Variants in MACROD2 observed in about 807,000 individuals in gnomAD.
The protein encoded by MACROD2 is mono-ADP ribosylhydrolase 2.
Under a neutral mutation model 70.4 loss-of-function variants are expected in MACROD2, and 36 were observed. The ratio of observed to expected loss-of-function variants is 0.51; its 90% CI spans 0.39 to 0.68. The LOEUF is 0.68. Among genes scored for constraint, MACROD2 ranks in the 30% least tolerant of loss-of-function variants. MACROD2 has a pLI of 0.00. For synonymous variants in MACROD2, 172 were observed against 178.8 expected (o/e 0.96, Z 0.30); for missense variants, 496 against 538.4 (o/e 0.92, Z 0.78).
chr20:14,592,842 T>A (rs1291588134), intron 4 of MACROD2, among the ~76,000 whole-genome samples: 1 of 152,244 alleles, frequency 6.6e-6, no homozygotes, highest in Non-Finnish European at 1.5e-5. Context: ...CATATTTAGA[T>A]GTGAGAAAAT....
intron 3 of MACROD2, among the ~76,000 whole-genome samples, chr20:14,436,294 G>T (rs2084055599): frequency 6.6e-6 from 1 of 152,124 alleles, no homozygotes; most frequent in African/African-American, 2.4e-5. Context: ...CATTAATGTT[G>T]TATTTATACC....
chr20:15,295,595 T>TCACACACACACACACACACACA (rs3223712), intron 6 of MACROD2, among the ~76,000 whole-genome samples: 91 of 148,054 alleles, frequency 6.1e-4, no homozygotes, highest in Non-Finnish European at 1.2e-3. Context: ...ATGTCTGTCA[T>TCACACACACACACACACACACA]CACACACACA....
chr20:15,136,961 C>A (rs531644180), intron 5 of MACROD2, among the ~76,000 whole-genome samples: 1 of 146,986 alleles, frequency 6.8e-6, no homozygotes, highest in Non-Finnish European at 1.5e-5. Context: ...TGAAAAAATG[C>A]TCATCATCAC....
At chr20:14,080,008 G>A (rs1441621840) in intron 2 of MACROD2, among the ~76,000 whole-genome samples, 1 of 152,172 alleles carries the variant, frequency 6.6e-6, no homozygotes, top group Non-Finnish European at 1.5e-5. Flanking sequence ...GGTGGGTAAG[G>A]AAGGTCACTT....
intron 8 of MACROD2, among the ~76,000 whole-genome samples, chr20:15,769,170 C>T (rs143076637): frequency 0.028 from 4,192 of 152,200 alleles, 98 homozygotes; most frequent in Non-Finnish European, 0.044. Context: ...TTTTTTGAGA[C>T]GGAGTCTCAC....
chr20:14,384,887 C>G (rs2083454982), intron 3 of MACROD2, among the ~76,000 whole-genome samples: 1 of 151,940 alleles, frequency 6.6e-6, no homozygotes, highest in Non-Finnish European at 1.5e-5. Flanking sequence ...TTCTGAAATC[C>G]TTAAAGTTCT....
Position 15,774,136 on chromosome 20 carries a change from C to G in MACROD2, c.646-88609C>G, listed in dbSNP as rs190094065. 2.5e-3 allele frequency among the ~76,000 whole-genome samples: 383 copies of G among 152,224 alleles called. 2 individuals are homozygous for G. The highest frequency in any genetic ancestry group is 9.0e-3 in the African/African-American group (374 of 41,554). ...TTCTGCCATTTCTCTTTTCTGTGCTCTAAGACAGTTGCAACCACTTGTTTT... is the reference window on the plus strand; with the variant it reads ...TTCTGCCATTTCTCTTTTCTGTGCTGTAAGACAGTTGCAACCACTTGTTTT... On this transcript the variant is annotated intron_variant, in intron 8 of 17. Transcript: ENST00000684519.
At chr20:14,978,177 A>C (rs912424237) in intron 5 of MACROD2, among the ~76,000 whole-genome samples, 5 of 152,158 alleles carry the variant, frequency 3.3e-5, no homozygotes, top group Non-Finnish European at 7.3e-5. Context: ...TGTTTAAGTG[A>C]GAAGCTAATT....
intron 5 of MACROD2, among the ~76,000 whole-genome samples, chr20:14,903,702 A>C (rs149951172): frequency 3.5e-4 from 53 of 152,224 alleles, no homozygotes; most frequent in Non-Finnish European, 6.3e-4. Flanking sequence ...TCAGCAGCTT[A>C]ATACAGTAAA....
At chr20:15,629,417 G>A (rs1480006240) in intron 8 of MACROD2, among the ~76,000 whole-genome samples, 4 of 152,144 alleles carry the variant, frequency 2.6e-5, no homozygotes, top group Admixed American at 6.5e-5. Context: ...TATGAAAGAC[G>A]CCTGTCTGAT....
At chr20:14,396,787 T>G (rs559509199) in intron 3 of MACROD2, among the ~76,000 whole-genome samples, 21 of 151,322 alleles carry the variant, frequency 1.4e-4, no homozygotes, top group Non-Finnish European at 2.8e-4. Context: ...TAGCTGGGCA[T>G]GGTGGCGGGT....
intron 5 of MACROD2, among the ~76,000 whole-genome samples, chr20:14,902,984 A>G (rs1222906001): frequency 1.3e-5 from 2 of 150,936 alleles, no homozygotes; most frequent in African/African-American, 4.9e-5. Flanking sequence ...AAACCCATGT[A>G]GTAAAAGAAG....
At chr20:14,482,200 T>A (rs2084671094) in intron 3 of MACROD2, among the ~76,000 whole-genome samples, 1 of 150,836 alleles carries the variant, frequency 6.6e-6, no homozygotes. Flanking sequence ...CCAGCATACT[T>A]TAGATGTGTA....
intron 3 of MACROD2, among the ~76,000 whole-genome samples, chr20:14,318,868 T>C (rs917255989): frequency 6.6e-6 from 1 of 152,200 alleles, no homozygotes; most frequent in Non-Finnish European, 1.5e-5. Flanking sequence ...TGGGTTCCAA[T>C]TTCCCATGTG....
chr20:14,962,544 T>G (rs1196159823), intron 5 of MACROD2, among the ~76,000 whole-genome samples: 1 of 145,762 alleles, frequency 6.9e-6, no homozygotes, highest in African/African-American at 2.7e-5. Flanking sequence ...TCTCTCTCTT[T>G]CTCTCTGTCT....
intron 8 of MACROD2, among the ~76,000 whole-genome samples, chr20:15,610,055 G>A (rs149384827): frequency 1.4e-4 from 22 of 152,316 alleles, no homozygotes; most frequent in Middle Eastern, 6.8e-3. Flanking sequence ...GGAAATAGCT[G>A]AAGCACAGTA....
intron 6 of MACROD2, among the ~76,000 whole-genome samples, chr20:15,289,721 G>T (rs541311265): frequency 6.6e-6 from 1 of 152,276 alleles, no homozygotes; most frequent in Admixed American, 6.5e-5. Context: ...ACACTAAAAA[G>T]AGCACTTTTA....
chr20:14,736,620 G>A (rs80190774), intron 5 of MACROD2, among the ~76,000 whole-genome samples: 6,781 of 152,104 alleles, frequency 0.045, 437 homozygotes, highest in African/African-American at 0.13. Context: ...TAATGATAAC[G>A]TACTCATTAT....
At chr20:14,986,313 A>C (rs2074848380) in intron 5 of MACROD2, among the ~76,000 whole-genome samples, 1 of 152,140 alleles carries the variant, frequency 6.6e-6, no homozygotes, top group Non-Finnish European at 1.5e-5. Context: ...CCCCCATTAA[A>C]GTTAATGAAT....
Sources: allele counts gnomAD v4.1 joint callset (sites outside exome capture counted in the v4.1 genomes callset), GRCh38; gene constraint gnomAD v4.1.1; transcripts MANE v1.5; gene names NCBI Gene and HGNC (gene_info 2026-07-23, HGNC 2026-07-21).